Variants in CCDC3 observed in about 807,000 individuals in gnomAD.
The protein encoded by CCDC3 is coiled-coil domain containing 3, also known as coiled-coil domain-containing protein 3.
A neutral mutation model predicts 21.4 loss-of-function variants in CCDC3; 24 were observed. That is an observed-to-expected ratio of 1.12 (90% confidence interval 0.81 to 1.58). The LOEUF (loss-of-function observed/expected upper bound fraction) is 1.58, where lower values mean the gene tolerates loss of function less well. Ranked by LOEUF, CCDC3 falls within the 40% of genes most tolerant of loss-of-function variation. The pLI is 0.00. For missense variants in CCDC3, 425 were observed against 360.9 expected (o/e 1.18, Z -1.44); for synonymous variants, 186 against 166.0 (o/e 1.12, Z -0.93).
intron 5 of CCDC3, among the ~76,000 whole-genome samples, chr10:13,009,193 C>G (rs1482032586): frequency 2.0e-5 from 3 of 152,050 alleles, no homozygotes. Context: ...ATATGAAATA[C>G]TTAGAAATAA....
At chr10:12,963,867 G>T (rs1270058072) in intron 2 of CCDC3, among the ~76,000 whole-genome samples, 1 of 152,166 alleles carries the variant, frequency 6.6e-6, no homozygotes, top group Non-Finnish European at 1.5e-5. Flanking sequence ...ACTGGCGTGA[G>T]CCACCAAGCC....
chr10:13,037,730 G>A lies in CCDC3; in HGVS notation c.-2+11944C>T, dbSNP rs1363261327. On this transcript the variant is annotated intron_variant, in intron 5 of 6. Coordinates refer to the CCDC3 transcript ENST00000378839. Reference sequence around the variant, plus strand: ...TAATCCCGGCACTTTGGGAGGCCAAGGTGGGAGGATTACCTGAGCTCTCCC... The same window carrying A: ...TAATCCCGGCACTTTGGGAGGCCAAAGTGGGAGGATTACCTGAGCTCTCCC... Among the ~76,000 whole-genome samples, 4 of 152,190 alleles carry A rather than the reference G, an allele frequency of 2.6e-5. No individual in the cohort carries two copies. The East Asian group carries it at 7.7e-4, about 29-fold the overall frequency.
chr10:13,083,989 TTC>T (rs1387703832), intron 3 of CCDC3, among the ~76,000 whole-genome samples: 1 of 152,258 alleles, frequency 6.6e-6, no homozygotes, highest in Non-Finnish European at 1.5e-5. Context: ...GGAACAAGCA[TTC>T]TGTTTCTGAA....
chr10:12,904,265 G>C (rs1387307678), intron 2 of CCDC3, among the ~76,000 whole-genome samples: 1 of 151,874 alleles, frequency 6.6e-6, no homozygotes, highest in Non-Finnish European at 1.5e-5. Context: ...CTAGGAGTTT[G>C]AGACCAGCCT....
chr10:13,004,295 C>G (rs1328334681), upstream of CCDC3, among the ~76,000 whole-genome samples: 1 of 152,094 alleles, frequency 6.6e-6, no homozygotes, highest in Non-Finnish European at 1.5e-5. Flanking sequence ...TTACATCCTT[C>G]AAAATTTGTC....
At chr10:12,911,252 G>C (rs1352391971) in intron 2 of CCDC3, among the ~76,000 whole-genome samples, 1 of 152,014 alleles carries the variant, frequency 6.6e-6, no homozygotes, top group Non-Finnish European at 1.5e-5. Context: ...CCTTATTAAT[G>C]GCTAATTTGT....
chr10:12,945,707 C>T (rs903385940), intron 2 of CCDC3, among the ~76,000 whole-genome samples: 3 of 152,146 alleles, frequency 2.0e-5, no homozygotes, highest in Admixed American at 6.5e-5. Context: ...GAAATAAAGA[C>T]TGTTTTATCA....
chr10:13,099,601 G>C (rs1029659136), exon 1 of CCDC3: 3 of 152,034 alleles, frequency 2.0e-5, no homozygotes, highest in Non-Finnish European at 2.9e-5. Flanking sequence ...CTATTCGTCC[G>C]CAACAAGAGC....
intron 2 of CCDC3, among the ~76,000 whole-genome samples, chr10:12,955,395 G>A (rs1835067792): frequency 6.6e-6 from 1 of 152,180 alleles, no homozygotes; most frequent in Non-Finnish European, 1.5e-5. Flanking sequence ...TCTCATTCCT[G>A]TGTGAAAATA....
chr10:12,931,753 G>C lies in CCDC3; in HGVS notation c.550-33074C>G, dbSNP rs143946119. On this transcript the variant is annotated intron_variant, in intron 2 of 2. Coordinates refer to ENST00000378825, the MANE Select transcript of CCDC3 (RefSeq NM_031455.4). ...TTACTGTTTTCTATAACAGAACTGT[G>C]GTACATACAGCCAGGATAGCCAGAG... Among the ~76,000 whole-genome samples, 508 of 152,230 alleles carry C rather than the reference G, an allele frequency of 3.3e-3. 5 individuals are homozygous for C. The highest frequency in any genetic ancestry group is 0.012 in the African/African-American group (479 of 41,524).
chr10:12,934,273 T>G lies in CCDC3; in HGVS notation c.550-35594A>C, dbSNP rs1834699374. Among the ~76,000 whole-genome samples the G allele has an allele frequency of 2.6e-5, 4 of 152,250 alleles. No homozygotes were observed. The South Asian group carries it at 8.3e-4, about 32-fold the overall frequency. ...ATATATCTGTTATTGATTTCTAGTT[T>G]AATTCCATTGTCGTCTTTCCATTGT... On this transcript the variant is annotated intron_variant, in intron 2 of 2. Coordinates refer to ENST00000378825, the MANE Select transcript of CCDC3 (RefSeq NM_031455.4).
intron 2 of CCDC3, among the ~76,000 whole-genome samples, chr10:12,948,639 T>C (rs1041305163): frequency 6.6e-6 from 1 of 151,384 alleles, no homozygotes; most frequent in Non-Finnish European, 1.5e-5. Flanking sequence ...AGACCACTGG[T>C]CCAACACCTT....
intron 2 of CCDC3, among the ~76,000 whole-genome samples, chr10:12,977,944 C>T (rs12767493): frequency 0.043 from 6,470 of 152,110 alleles, 165 homozygotes; most frequent in Middle Eastern, 0.086. Flanking sequence ...GCGTGGATGG[C>T]GTACAGATGG....
At chr10:12,987,263 G>C (rs1589031691) in intron 2 of CCDC3, among the ~76,000 whole-genome samples, 2 of 152,258 alleles carry the variant, frequency 1.3e-5, no homozygotes, top group African/African-American at 4.8e-5. Context: ...CAGAGACCAG[G>C]TCTAATTCTT....
Position 12,934,368 on chromosome 10 carries a change from T to A in CCDC3, c.550-35689A>T, listed in dbSNP as rs183341404. On this transcript the variant is annotated intron_variant, in intron 2 of 2. Transcript: ENST00000378825. ...TTAAGGTATGTTTTATGACCCAGAA[T>A]GTGATCTATCTTGGTAAATGTTACA... 1.2e-4 allele frequency among the ~76,000 whole-genome samples: 18 copies of A among 152,246 alleles called. No individual in the cohort carries two copies. In the East Asian group the frequency reaches 3.5e-3, roughly 30 times the overall value.
Position 12,898,538 on chromosome 10 carries a change from C to T in CCDC3, c.691G>A (p.Ala231Thr), listed in dbSNP as rs1343724091. Residue 231 changes from alanine (A) to threonine (T), a missense_variant, in exon 3 of 3, where the codon GCG becomes ACG. By Grantham distance (58) the Ala-to-Thr change is moderately conservative. Transcript: ENST00000378825. The part of the protein sequence containing the change: ...VKKVKRSLRQ[A>T]RKKGRHLELA... ...TCCAGGTGGCGGCCCTTCTTACGCG[C>T]CTGCCGCAAGGACCTCTTGACCTTC... is the stretch of plus-strand genomic sequence containing the variant. 4 of 1,614,222 alleles carry T rather than the reference C, an allele frequency of 2.5e-6. No individual in the cohort carries two copies. Among genetic ancestry groups the T allele is most frequent in the Non-Finnish European group, 2.5e-6 (3 of 1,180,038 alleles).
chr10:12,952,993 G>GAA (rs1835029681), intron 2 of CCDC3, among the ~76,000 whole-genome samples: 1 of 152,214 alleles, frequency 6.6e-6, no homozygotes, highest in Non-Finnish European at 1.5e-5. Flanking sequence ...AGGAAGGAAG[G>GAA]GAGGGAGGGG....
At chr10:12,966,358 G>A (rs2580916) in intron 2 of CCDC3, among the ~76,000 whole-genome samples, 117,473 of 133,990 alleles carry the variant, frequency 0.88, 52,350 homozygotes, top group East Asian at 1. Flanking sequence ...ATCTATAGGA[G>A]GAATCTCCCT....
At chr10:13,031,202 C>G (rs1228474984) in intron 5 of CCDC3, among the ~76,000 whole-genome samples, 1 of 152,140 alleles carries the variant, frequency 6.6e-6, no homozygotes, top group Admixed American at 6.6e-5. Context: ...CACTCAAAAC[C>G]ACTCAACTAC....
Sources: gnomAD v4.1 joint callset for allele counts (sites outside exome capture counted in the v4.1 genomes callset) on GRCh38, gnomAD v4.1.1 for gene constraint, MANE v1.5 for transcripts, NCBI Gene and HGNC (gene_info 2026-07-23, HGNC 2026-07-21) for gene names.